Variants in CAMTA1 observed in about 807,000 individuals in gnomAD.
CAMTA1 encodes the protein calmodulin binding transcription activator 1, also known as calmodulin-binding transcription activator 1.
Under a neutral mutation model 170.9 loss-of-function variants are expected in CAMTA1, and 27 were observed. The observed-to-expected ratio is 0.16, with a 90% confidence interval of 0.12 to 0.22. The LOEUF is 0.22. Ranked by LOEUF, CAMTA1 falls within the 10% of genes least tolerant of loss-of-function variation. The pLI, the probability that CAMTA1 is intolerant of heterozygous loss-of-function variation, is 1.00. For synonymous variants in CAMTA1, 833 were observed against 891.5 expected, an observed-to-expected ratio of 0.93 and a Z score of 1.17; for missense variants, 1,619 against 2,217.2, an observed-to-expected ratio of 0.73 and a Z score of 5.42.
chr1:7,550,049 A>G (rs1254497775), intron 6 of CAMTA1, among the ~76,000 whole-genome samples: 7 of 152,008 alleles, frequency 4.6e-5, no homozygotes, highest in African/African-American at 9.7e-5. Context: ...GAGAATCCCA[A>G]GGAGTCATTG....
intron 3 of CAMTA1, among the ~76,000 whole-genome samples, chr1:7,027,294 A>C (rs1054280496): frequency 2.0e-5 from 3 of 152,222 alleles, no homozygotes; most frequent in Non-Finnish European, 4.4e-5. Context: ...TATCAGCATT[A>C]AAAGGCTGCT....
At chr1:7,376,763 A>G (rs2086872063) in intron 5 of CAMTA1, among the ~76,000 whole-genome samples, 1 of 152,180 alleles carries the variant, frequency 6.6e-6, no homozygotes, top group Admixed American at 6.5e-5. Context: ...CTGTCTCAAC[A>G]CTGGTGTCTC....
At chr1:6,944,329 G>A (rs181963755) in intron 3 of CAMTA1, among the ~76,000 whole-genome samples, 1 of 152,278 alleles carries the variant, frequency 6.6e-6, no homozygotes, top group Admixed American at 6.5e-5. Context: ...TGTGCAAACA[G>A]AGTGACTCTT....
At chr1:6,983,829 A>G (rs1229256182) in intron 3 of CAMTA1, among the ~76,000 whole-genome samples, 1 of 134,854 alleles carries the variant, frequency 7.4e-6, no homozygotes, top group Non-Finnish European at 1.6e-5. Context: ...TAATGCATAC[A>G]TAGGTGGATG....
Position 7,455,986 on chromosome 1 carries a change from C to T in CAMTA1, c.439-11844C>T, listed in dbSNP as rs1057150166. 2.6e-5 allele frequency among the ~76,000 whole-genome samples: 4 copies of T among 152,306 alleles called. No individual in the cohort carries two copies. In the South Asian group the frequency reaches 6.2e-4, roughly 24 times the overall value. The stretch of plus-strand genomic sequence containing the variant: ...TCCTTACCAAGGCTCAGGGTCCCAC[C>T]GTTGGTCATCCCTGAGGCTGAAATA... On this transcript the variant is annotated intron_variant, in intron 5 of 22. Transcript: ENST00000303635. The surrounding 1 kb of genome is among the most constrained non-coding windows in gnomAD (Gnocchi z 5.0).
chr1:7,674,081 A>G lies in CAMTA1; in HGVS notation c.2779+3044A>G, dbSNP rs575435747. 8.5e-5 allele frequency among the ~76,000 whole-genome samples: 13 copies of G among 152,312 alleles called. No individual in the cohort carries two copies. The highest frequency in any genetic ancestry group is 2.4e-4 in the African/African-American group (10 of 41,570). On this transcript the variant is annotated intron_variant, in intron 10 of 22. Transcript: ENST00000303635. The surrounding 1 kb of genome is among the most constrained non-coding windows in gnomAD (Gnocchi z 4.1). Reference sequence around the variant, plus strand: ...CAGAATCAAACTGGCCTCACCAAAAAGAGAGGCTCAGAGGCTTATGAGCAC... The same window carrying G: ...CAGAATCAAACTGGCCTCACCAAAAGGAGAGGCTCAGAGGCTTATGAGCAC...
At chr1:6,899,548 GCGCGCGCACACACA>G (rs1161382096) in intron 3 of CAMTA1, among the ~76,000 whole-genome samples, 1 of 89,688 alleles carries the variant, frequency 1.1e-5, no homozygotes, top group South Asian at 3.4e-4. Context: ...ACGCGCACGC[GCGCGCGCACACACA>G]CACACACACA....
chr1:7,742,378 G>C (rs552208931), intron 16 of CAMTA1, among the ~76,000 whole-genome samples: 25 of 152,062 alleles, frequency 1.6e-4, no homozygotes, highest in Admixed American at 4.6e-4. Flanking sequence ...CTATATGATA[G>C]ATTTAATATA....
chr1:7,233,873 C>T (rs1663301637), intron 4 of CAMTA1, among the ~76,000 whole-genome samples: 1 of 152,144 alleles, frequency 6.6e-6, no homozygotes. Context: ...TTTCAAGGGG[C>T]CGGGGAGGTG....
chr1:7,569,722 A>G (rs1173505225), intron 6 of CAMTA1, among the ~76,000 whole-genome samples: 2 of 151,394 alleles, frequency 1.3e-5, no homozygotes, highest in Admixed American at 6.6e-5. Flanking sequence ...CACCATTGTC[A>G]TCAACATAAC....
chr1:7,469,826 A>G (rs2093295656), intron 6 of CAMTA1, among the ~76,000 whole-genome samples: 1 of 152,194 alleles, frequency 6.6e-6, no homozygotes, highest in Non-Finnish European at 1.5e-5. Context: ...CCCAAGCTGC[A>G]TTCTGCTCAT....
intron 4 of CAMTA1, among the ~76,000 whole-genome samples, chr1:7,223,583 G>A (rs960815842): frequency 7.2e-5 from 11 of 152,150 alleles, no homozygotes; most frequent in African/African-American, 1.4e-4. Flanking sequence ...CACCAGCATC[G>A]TCAACAGGTG....
chr1:7,630,961 T>A (rs1040593169), intron 6 of CAMTA1, among the ~76,000 whole-genome samples: 4 of 152,174 alleles, frequency 2.6e-5, no homozygotes, highest in Non-Finnish European at 5.9e-5. Flanking sequence ...TCCTACTCCC[T>A]CCCTTCTGTT....
chr1:7,662,614 A>G (rs1274552733), intron 8 of CAMTA1, among the ~76,000 whole-genome samples: 1 of 152,200 alleles, frequency 6.6e-6, no homozygotes, highest in East Asian at 1.9e-4. Flanking sequence ...AGGAGCTGCC[A>G]GGGAGGCTTT....
chr1:7,279,670 G>A (rs965068414), intron 5 of CAMTA1, among the ~76,000 whole-genome samples: 3 of 152,270 alleles, frequency 2.0e-5, no homozygotes, highest in Admixed American at 2.0e-4. Flanking sequence ...CGAGGGCCAA[G>A]CTCTCTCTTC....
chr1:7,029,341 T>C (rs570006963), intron 3 of CAMTA1, among the ~76,000 whole-genome samples: 1 of 151,460 alleles, frequency 6.6e-6, no homozygotes, highest in Non-Finnish European at 1.5e-5. Context: ...CTCTACTAAA[T>C]ATACAAAAAA....
chr1:7,408,595 C>T (rs951533676), intron 5 of CAMTA1, among the ~76,000 whole-genome samples: 1 of 152,186 alleles, frequency 6.6e-6, no homozygotes, highest in African/African-American at 2.4e-5. Context: ...GCTGGAGTCT[C>T]CCTGCTGAGC....
chr1:7,679,574 T>C (rs1177148316), intron 11 of CAMTA1, among the ~76,000 whole-genome samples: 11 of 84,732 alleles, frequency 1.3e-4, no homozygotes, highest in African/African-American at 4.8e-4. Flanking sequence ...GCTCCCTAGC[T>C]GCCCCCCCCC....
Position 7,741,953 on chromosome 1 carries a change from T to G in CAMTA1, c.4183-2882T>G, listed in dbSNP as rs908469616. On this transcript the variant is annotated intron_variant, in intron 16 of 22. Transcript: ENST00000303635. ...TGCCCGGCCTCGGGTTGTTTTTTTTTTTTTTTTTAAATAAAAGCAGGATAT... is the reference window on the plus strand; with the variant it reads ...TGCCCGGCCTCGGGTTGTTTTTTTTGTTTTTTTTAAATAAAAGCAGGATAT... 7.0e-3 allele frequency among the ~76,000 whole-genome samples: 1,062 copies of G among 151,508 alleles called. 9 individuals are homozygous for G. The highest frequency in any genetic ancestry group is 0.011 in the Non-Finnish European group (778 of 67,842).
Sources: gnomAD v4.1 joint callset for allele counts (sites outside exome capture counted in the v4.1 genomes callset) on GRCh38, gnomAD v4.1.1 for gene constraint, Gnocchi (gnomAD v3.1) non-coding constraint, MANE v1.5 for transcripts, NCBI Gene and HGNC (gene_info 2026-07-23, HGNC 2026-07-21) for gene names.